Variants in VIPR2 observed in about 807,000 individuals in gnomAD.
The protein encoded by VIPR2 is vasoactive intestinal polypeptide receptor 2.
VIPR2 carries 48 observed loss-of-function variants against 58.0 expected under a neutral mutation model. The observed-to-expected ratio is 0.83, with a 90% CI of 0.66 to 1.05. The LOEUF (loss-of-function observed/expected upper bound fraction) is 1.05, where lower values mean the gene tolerates loss of function less well. VIPR2 is among the 50% of genes least tolerant of loss of function. VIPR2 has a pLI of 0.00. For synonymous variants in VIPR2, 243 were observed against 235.2 expected, an observed-to-expected ratio of 1.03 and a Z score of -0.30; for missense variants, 534 against 558.0, an observed-to-expected ratio of 0.96 and a Z score of 0.43.
intron 5 of VIPR2, among the ~76,000 whole-genome samples, chr7:159,046,369 A>C (rs772320709): frequency 6.6e-6 from 1 of 152,234 alleles, no homozygotes; most frequent in Non-Finnish European, 1.5e-5. Flanking sequence ...ATACAACTAA[A>C]TACTATTCAA....
chr7:159,105,754 G>A (rs2129496047), intron 3 of VIPR2, among the ~76,000 whole-genome samples: 1 of 152,308 alleles, frequency 6.6e-6, no homozygotes, highest in Non-Finnish European at 1.5e-5. Flanking sequence ...CCTAAAGCAG[G>A]CAAGCCTCCT....
intron 2 of VIPR2, among the ~76,000 whole-genome samples, chr7:159,137,579 C>A (rs1304185634): frequency 6.6e-6 from 1 of 152,138 alleles, no homozygotes; most frequent in Non-Finnish European, 1.5e-5. Context: ...CTATGTTAAT[C>A]AGGCTTGTCT....
rs114783276 is a variant in VIPR2, at chr7:159,086,223, C to G, written c.357+17534G>C. On this transcript the variant is annotated intron_variant, in intron 4 of 12. Transcript: ENST00000262178. ...AGTCTAGTGGAGAACTCAGGGATGC[C>G]TGGGGTGGTTCCATCTTAAGAATGT... 6.2e-3 allele frequency among the ~76,000 whole-genome samples: 943 copies of G among 152,254 alleles called. 5 individuals are homozygous for G. The highest frequency in any genetic ancestry group is 0.022 in the African/African-American group (905 of 41,546).
At chr7:159,118,450 C>T (rs1796326135) in intron 2 of VIPR2, among the ~76,000 whole-genome samples, 1 of 152,162 alleles carries the variant, frequency 6.6e-6, no homozygotes. Flanking sequence ...TGAGCAAGAC[C>T]AAGGCGGGAG....
Position 159,095,515 on chromosome 7 carries a change from A to T in VIPR2, c.357+8242T>A, listed in dbSNP as rs149015015. Among the ~76,000 whole-genome samples the T allele has an allele frequency of 1.9e-3, 282 of 152,394 alleles. 1 individual carries two copies. Among genetic ancestry groups the T allele is most frequent in the African/African-American group, 6.4e-3 (266 of 41,608 alleles). On this transcript the variant is annotated intron_variant, in intron 4 of 12. Transcript: ENST00000262178. The surrounding 1 kb of genome is among the most constrained non-coding windows in gnomAD (Gnocchi z 5.2). Reference sequence around the variant, plus strand: ...AAAGTCTGGGGTTCAAAGGCAAAGCACGTATAAATTTAAGTGGTTTTTTTA... The same window carrying T: ...AAAGTCTGGGGTTCAAAGGCAAAGCTCGTATAAATTTAAGTGGTTTTTTTA...
At chr7:159,125,946 T>C (rs138000308) in intron 2 of VIPR2, among the ~76,000 whole-genome samples, 136 of 152,244 alleles carry the variant, frequency 8.9e-4, no homozygotes, top group African/African-American at 3.0e-3. Context: ...CCCTCGGTGT[T>C]CTAGTAGCTG....
intron 2 of VIPR2, among the ~76,000 whole-genome samples, chr7:159,130,167 T>C (rs1333398755): frequency 6.6e-6 from 1 of 152,254 alleles, no homozygotes; most frequent in African/African-American, 2.4e-5. Flanking sequence ...ATACCCCATC[T>C]TGACTTTAGA....
At chr7:159,105,086 G>A (rs1405530036) in intron 3 of VIPR2, among the ~76,000 whole-genome samples, 2 of 152,242 alleles carry the variant, frequency 1.3e-5, no homozygotes, top group African/African-American at 4.8e-5. Flanking sequence ...TGTAAGCTCA[G>A]AAATTCAATG....
intron 5 of VIPR2, among the ~76,000 whole-genome samples, chr7:159,049,900 T>C (rs1329187439): frequency 6.6e-6 from 1 of 152,092 alleles, no homozygotes; most frequent in Non-Finnish European, 1.5e-5. Flanking sequence ...CCCAGGCTGG[T>C]CTACCCTTGT....
intron 2 of VIPR2, among the ~76,000 whole-genome samples, chr7:159,121,277 G>GA (rs1220448830): frequency 6.7e-6 from 1 of 149,432 alleles, no homozygotes; most frequent in Non-Finnish European, 1.5e-5. Context: ...CCCTCTGCAC[G>GA]AGTCGGCTCC....
rs1246054691 is a variant in VIPR2 at position 159,128,186 on chromosome 7, C to T, written c.151+14260G>A. Among the ~76,000 whole-genome samples, 1 of 152,100 alleles carries T rather than the reference C, an allele frequency of 6.6e-6. No homozygotes were observed. On this transcript the variant is annotated intron_variant, in intron 2 of 12. Transcript: ENST00000262178. This position sits in a 1 kb window ranked among gnomAD's most constrained non-coding sequence, Gnocchi z 4.1. Reference sequence around the variant, plus strand: ...GACACCACCCCAGCTTAGTCAGGGCCAGCAGCTGTGCCCAGGGTCCACAGA... The same window carrying T: ...GACACCACCCCAGCTTAGTCAGGGCTAGCAGCTGTGCCCAGGGTCCACAGA...
chr7:159,057,062 G>T lies in VIPR2; in HGVS notation c.455+1419C>A, dbSNP rs190904503. On this transcript the variant is annotated intron_variant, in intron 5 of 12. Transcript: ENST00000262178. ...GGATAATTCCTGATGCTCTTGGGTT[G>T]CCTAATTAAATATGTCATGCTGTAC... Among the ~76,000 whole-genome samples the T allele has an allele frequency of 3.9e-5, 6 of 152,284 alleles. No individual in the cohort carries two copies. In the East Asian group the frequency reaches 9.6e-4, roughly 24 times the overall value.
rs545104929 is a variant in VIPR2 at position 159,030,007 on chromosome 7, C to T, written c.*609G>A. 2.0e-5 allele frequency: 3 copies of T among 152,224 alleles called. No individual in the cohort carries two copies. Among genetic ancestry groups the T allele is most frequent in the South Asian group, 2.1e-4 (1 of 4,808 alleles). 9.4% of individuals were successfully genotyped at this position (152,224 alleles called of 1,614,324 possible). A position where few individuals can be genotyped will look rare whatever the true frequency, so the allele number is the denominator to read the frequency against. ...ATGTCACCCGGTGGTCGCCCAGGCT[C>T]GTGCTGGGCCACACAACTGCGTTTC... On this transcript the variant is annotated 3_prime_UTR_variant, in exon 13 of 13. Transcript: ENST00000262178.
intron 2 of VIPR2, among the ~76,000 whole-genome samples, chr7:159,121,871 A>C (rs1195929361): frequency 2.0e-5 from 3 of 152,240 alleles, no homozygotes; most frequent in Admixed American, 2.0e-4. Context: ...AATGAAGAAA[A>C]GCCCTTCTTT....
At chr7:159,061,246 T>C (rs1855631662) in intron 4 of VIPR2, among the ~76,000 whole-genome samples, 1 of 151,812 alleles carries the variant, frequency 6.6e-6, no homozygotes, top group South Asian at 2.1e-4. Flanking sequence ...TACTATGCTC[T>C]GTAGCTGGGT....
intron 3 of VIPR2, 113 bp from the exon 4 acceptor site, chr7:159,103,967 G>T: frequency 2.3e-6 from 2 of 879,552 alleles, no homozygotes; most frequent in Non-Finnish European, 1.8e-6. Context: ...ACACCCAGGG[G>T]TCAGCTAGGA....
chr7:159,080,596 T>C (rs370005861), intron 4 of VIPR2, among the ~76,000 whole-genome samples: 15 of 147,428 alleles, frequency 1.0e-4, no homozygotes, highest in South Asian at 2.2e-4. Context: ...CTATTCAACA[T>C]AGTGTTGGAA....
intron 4 of VIPR2, among the ~76,000 whole-genome samples, chr7:159,081,145 A>G (rs1856879708): frequency 1.3e-5 from 2 of 152,206 alleles, no homozygotes; most frequent in Admixed American, 1.3e-4. Flanking sequence ...ACCAAAAAAG[A>G]GCCTGCATTG....
At chr7:159,056,758 C>A (rs1451949262) in intron 5 of VIPR2, among the ~76,000 whole-genome samples, 1 of 152,176 alleles carries the variant, frequency 6.6e-6, no homozygotes, top group Non-Finnish European at 1.5e-5. Flanking sequence ...ATTACTGAGA[C>A]AATGGAGCAC....
Sources: allele counts gnomAD v4.1 joint callset (sites outside exome capture counted in the v4.1 genomes callset), GRCh38; gene constraint gnomAD v4.1.1; non-coding constraint Gnocchi (gnomAD v3.1); transcripts MANE v1.5; gene names NCBI Gene and HGNC (gene_info 2026-07-23, HGNC 2026-07-21).